The following DNAH11 variants were observed in gnomAD, a reference collection of about 807,000 sequenced individuals.
The protein encoded by DNAH11 is axonemal beta dynein heavy chain 11.
DNAH11 carries 442 observed loss-of-function variants against 526.0 expected under a neutral mutation model. The observed-to-expected ratio is 0.84, with a 90% CI of 0.78 to 0.91. The LOEUF (loss-of-function observed/expected upper bound fraction) is 0.91. Ranked by LOEUF, DNAH11 falls within the 40% of genes least tolerant of loss-of-function variation. The pLI, the probability that DNAH11 is intolerant of heterozygous loss-of-function variation, is 0.00. For missense variants in DNAH11, 6,989 were observed against 5,448.7 expected (o/e 1.28, Z -8.90); for synonymous variants, 2,461 against 1,935.9 (o/e 1.27, Z -7.12).
chr7:21,580,332 A>G (rs974154897), intron 8 of DNAH11, among the ~76,000 whole-genome samples: 15 of 152,368 alleles, frequency 9.8e-5, no homozygotes, highest in Admixed American at 9.1e-4. Flanking sequence ...TTATTAGCCA[A>G]TGAGCCTTGA....
At chr7:21,630,167 GA>G (rs965776643) in intron 25 of DNAH11, among the ~76,000 whole-genome samples, 410 of 149,868 alleles carry the variant, frequency 2.7e-3, no homozygotes, top group Non-Finnish European at 3.6e-3. Flanking sequence ...AGATCACAAA[GA>G]AAAAAAAACC....
intron 28 of DNAH11, among the ~76,000 whole-genome samples, chr7:21,646,650 T>C (rs1787367156): frequency 6.6e-6 from 1 of 152,098 alleles, no homozygotes; most frequent in African/African-American, 2.4e-5. Context: ...CCCAGTGAGC[T>C]CCAGCAGGGC....
intron 8 of DNAH11, among the ~76,000 whole-genome samples, chr7:21,578,338 A>G (rs1474661309): frequency 6.6e-6 from 1 of 152,254 alleles, no homozygotes; most frequent in Non-Finnish European, 1.5e-5. Context: ...CCACCAAGGC[A>G]GTCATTACAT....
chr7:21,790,161 T>A (rs1788414828), intron 61 of DNAH11, among the ~76,000 whole-genome samples: 1 of 151,974 alleles, frequency 6.6e-6, no homozygotes, highest in Non-Finnish European at 1.5e-5. Flanking sequence ...TAGAAAATAT[T>A]TTCGGCTCGG....
intron 2 of DNAH11, among the ~76,000 whole-genome samples, chr7:21,557,697 C>T (rs1377798717): frequency 6.6e-6 from 1 of 152,178 alleles, no homozygotes; most frequent in Non-Finnish European, 1.5e-5. Context: ...CCTGTTCTTT[C>T]ATCTTAAAGA....
At chr7:21,690,335 G>A (rs1325842999) in intron 34 of DNAH11, among the ~76,000 whole-genome samples, 1 of 151,788 alleles carries the variant, frequency 6.6e-6, no homozygotes, top group African/African-American at 2.4e-5. Context: ...AGGAAGAGAA[G>A]TTGAAGAAAT....
At chr7:21,730,657 G>A (rs932302260) in intron 45 of DNAH11, among the ~76,000 whole-genome samples, 24 of 152,160 alleles carry the variant, frequency 1.6e-4, no homozygotes, top group Admixed American at 5.9e-4. Context: ...TCATAGAAGC[G>A]GAGAGTGGAA....
chr7:21,677,709 C>T lies in DNAH11; in HGVS notation c.5329-3837C>T, dbSNP rs577333980. Among the ~76,000 whole-genome samples, 5 of 152,290 alleles carry T rather than the reference C, an allele frequency of 3.3e-5. No homozygotes were observed. In the South Asian group the frequency reaches 8.3e-4, roughly 25 times the overall value. Reference sequence around the variant, plus strand: ...CTGTGATCAGTGATCTTTGATGTCACTCTTGTAGTAGGTTAAGGTACATCA... The same window carrying T: ...CTGTGATCAGTGATCTTTGATGTCATTCTTGTAGTAGGTTAAGGTACATCA... On this transcript the variant is annotated intron_variant, in intron 30 of 81. Coordinates refer to ENST00000409508, the MANE Select transcript of DNAH11 (RefSeq NM_001277115.2).
intron 66 of DNAH11, among the ~76,000 whole-genome samples, chr7:21,844,403 G>A (rs927339700): frequency 6.6e-6 from 1 of 152,144 alleles, no homozygotes; most frequent in Non-Finnish European, 1.5e-5. Flanking sequence ...CCAGCCTGGA[G>A]GACAGAGCAA....
rs775294151 is a variant in DNAH11 at position 21,786,693 on chromosome 7, A to G, written c.9667A>G (p.Met3223Val). The G allele has an allele frequency of 1.9e-6, 3 of 1,613,754 alleles. No homozygotes were observed. The highest frequency in any genetic ancestry group is 2.2e-5 in the South Asian group (2 of 91,062). The stretch of plus-strand genomic sequence containing the variant: ...AGTTACCAATGTTACTGCAGCCGTG[A>G]TGGTCCTTCTGGCTCCTCGGGGAAG... ...IAVTNVTAAV[M>V]VLLAPRGRVP... is the part of the protein sequence containing the mutation. Residue 3223 changes from methionine (M) to valine (V), a missense_variant, in exon 59 of 82, where the codon ATG becomes GTG. Physicochemically the swap from Met to Val is conservative, Grantham distance 21. Coordinates refer to ENST00000409508, the MANE Select transcript of DNAH11 (RefSeq NM_001277115.2).
intron 63 of DNAH11, among the ~76,000 whole-genome samples, chr7:21,814,124 A>C (rs1789660677): frequency 6.6e-6 from 1 of 152,196 alleles, no homozygotes; most frequent in African/African-American, 2.4e-5. Flanking sequence ...TTGTGCATCT[A>C]AATCTATCCA....
intron 28 of DNAH11, among the ~76,000 whole-genome samples, chr7:21,650,228 T>C (rs1216390668): frequency 6.6e-6 from 1 of 152,204 alleles, no homozygotes; most frequent in Non-Finnish European, 1.5e-5. Flanking sequence ...TAAGTTACAG[T>C]AATAAGTGAG....
At chr7:21,810,736 T>A (rs1789480014) in intron 63 of DNAH11, among the ~76,000 whole-genome samples, 1 of 152,016 alleles carries the variant, frequency 6.6e-6, no homozygotes. Context: ...CTAGCCAGGT[T>A]TATAGGCAGG....
chr7:21,701,867 C>T (rs1323951452), intron 36 of DNAH11, among the ~76,000 whole-genome samples: 2 of 152,038 alleles, frequency 1.3e-5, no homozygotes, highest in African/African-American at 4.8e-5. Context: ...GTGTCTTTCC[C>T]ATAGACACAG....
chr7:21,645,843 A>G (rs903415390), intron 28 of DNAH11, among the ~76,000 whole-genome samples: 2 of 152,180 alleles, frequency 1.3e-5, no homozygotes, highest in African/African-American at 4.8e-5. Context: ...GAAACAAACG[A>G]TATACAACAT....
intron 25 of DNAH11, among the ~76,000 whole-genome samples, chr7:21,627,134 A>C (rs1271371357): frequency 6.6e-6 from 1 of 151,968 alleles, no homozygotes; most frequent in Non-Finnish European, 1.5e-5. Flanking sequence ...TTGTTTTGCC[A>C]CTGGGTTGTT....
intron 6 of DNAH11, among the ~76,000 whole-genome samples, chr7:21,569,019 G>A (rs538499009): frequency 5.3e-5 from 8 of 152,124 alleles, no homozygotes; most frequent in Non-Finnish European, 7.4e-5. Context: ...GGAAATAAAA[G>A]CATAGATTGG....
intron 49 of DNAH11, among the ~76,000 whole-genome samples, chr7:21,743,292 T>C (rs1025266186): frequency 6.6e-6 from 1 of 152,260 alleles, no homozygotes; most frequent in Non-Finnish European, 1.5e-5. Flanking sequence ...ATTTTAAACA[T>C]ATATGAAGAG....
In DNAH11 at chr7:21,868,730, C is replaced by A. The variant is rs563124115; in HGVS notation, c.11840-134C>A. On this transcript the variant is annotated intron_variant, in intron 72 of 81. Transcript: ENST00000409508. ...CTGCTTGTGGATACAACAGAAGTTT[C>A]TTTGGGATTCTTCAGGAAAGTCACT... The A allele has an allele frequency of 1.6e-5, 19 of 1,160,244 alleles. No homozygotes were observed. In the African/African-American group the frequency reaches 3.0e-4, roughly 18 times the overall value. The allele number at this position is 1,160,244 out of a possible 1,614,324, so 71.9% of individuals were successfully genotyped here.
Sources: allele counts gnomAD v4.1 joint callset (sites outside exome capture counted in the v4.1 genomes callset), GRCh38; gene constraint gnomAD v4.1.1; transcripts MANE v1.5; gene names NCBI Gene and HGNC (gene_info 2026-07-23, HGNC 2026-07-21).